DRICH1: variants seen among roughly 807,000 people sequenced by gnomAD.
DRICH1 encodes the protein aspartate-rich protein 1.
DRICH1 carries 38 observed loss-of-function variants against 39.5 expected under a neutral mutation model. The observed-to-expected ratio is 0.96, with a 90% confidence interval of 0.74 to 1.26. The LOEUF (loss-of-function observed/expected upper bound fraction) is 1.26, where lower values mean the gene tolerates loss of function less well. DRICH1 is among the 50% of genes most tolerant of loss of function. The pLI is 0.00. For synonymous variants in DRICH1, 84 were observed against 99.5 expected (o/e 0.84, Z 0.93); for missense variants, 279 against 270.4 (o/e 1.03, Z -0.22).
chr22:23,598,212 A>AG, the DRICH1 span, among the ~76,000 whole-genome samples: 21,579 of 135,534 alleles, frequency 0.16, 1,156 homozygotes, highest in African/African-American at 0.24. Flanking sequence ...GCTGGTCCTC[A>AG]GGTCCCTGAC....
Position 23,621,917 on chromosome 22 carries a change from A to T in DRICH1, c.384+174T>A, listed in dbSNP as rs1927759855. 2.0e-5 allele frequency among the ~76,000 whole-genome samples: 3 copies of T among 152,262 alleles called. No homozygotes were observed. In the South Asian group the frequency reaches 6.2e-4, roughly 32 times the overall value. The stretch of plus-strand genomic sequence containing the variant: ...GACTCTGTCTCAAACAAAAACAAAA[A>T]CAAAACAAAACAAAAAAAGAAAAGA... On this transcript the variant is annotated intron_variant, in intron 4 of 11. Coordinates refer to ENST00000317749, the MANE Select transcript of DRICH1 (RefSeq NM_016449.4).
the DRICH1 span, among the ~76,000 whole-genome samples, chr22:23,581,943 A>G: frequency 6.6e-6 from 1 of 150,530 alleles, no homozygotes; most frequent in African/African-American, 2.4e-5. Flanking sequence ...AGTGGCATTA[A>G]CTACATTCAC....
At chr22:23,623,439 C>A (rs951403051) in intron 3 of DRICH1, among the ~76,000 whole-genome samples, 5 of 151,996 alleles carry the variant, frequency 3.3e-5, no homozygotes, top group Non-Finnish European at 5.9e-5. Context: ...ATAGAAATCA[C>A]AAATTTATAT....
chr22:23,600,317 T>A, the DRICH1 span, among the ~76,000 whole-genome samples: 1 of 152,326 alleles, frequency 6.6e-6, no homozygotes, highest in East Asian at 1.9e-4. Context: ...CACTTCCAGC[T>A]TCAGCCAATC....
At chr22:23,584,535 AG>A in the DRICH1 span, among the ~76,000 whole-genome samples, 2 of 152,224 alleles carry the variant, frequency 1.3e-5, no homozygotes, top group Non-Finnish European at 2.9e-5. Flanking sequence ...TCAAGTTTTC[AG>A]GGTCACTGGA....
chr22:23,619,237 C>G (rs1311312926), intron 6 of DRICH1, 127 bp downstream of exon 6: 2 of 589,804 alleles, frequency 3.4e-6, no homozygotes, highest in Non-Finnish European at 6.3e-6. Flanking sequence ...TCTAACTAAT[C>G]AGCTGTCAAC....
the DRICH1 span, among the ~76,000 whole-genome samples, chr22:23,589,816 C>T: frequency 2.0e-5 from 3 of 152,092 alleles, no homozygotes; most frequent in Non-Finnish European, 4.4e-5. Flanking sequence ...GACTCAAACC[C>T]TTATACCTGA....
chr22:23,620,464 T>C (rs770288014), intron 5 of DRICH1, 130 bp downstream of exon 5: 46 of 1,072,502 alleles, frequency 4.3e-5, no homozygotes, highest in African/African-American at 1.7e-4. Flanking sequence ...CTGCTCATAG[T>C]TATACACTTG....
the DRICH1 span, among the ~76,000 whole-genome samples, chr22:23,582,566 T>TATTA: frequency 8.8e-5 from 13 of 147,464 alleles, no homozygotes; most frequent in Admixed American, 4.8e-4. Flanking sequence ...TTATTATTAT[T>TATTA]ATTATTATTA....
At chr22:23,629,677 G>A (rs769003398) in intron 1 of DRICH1, among the ~76,000 whole-genome samples, 3 of 152,098 alleles carry the variant, frequency 2.0e-5, no homozygotes, top group Non-Finnish European at 2.9e-5. Context: ...GGGGGCAGTG[G>A]CTCGATCTCG....
chr22:23,585,005 C>G, the DRICH1 span, among the ~76,000 whole-genome samples: 1 of 152,194 alleles, frequency 6.6e-6, no homozygotes, highest in South Asian at 2.1e-4. Flanking sequence ...GTGGTCTCAT[C>G]ATTGTTCAGT....
chr22:23,619,481 T>G, intron 5 of DRICH1, 88 bp from the exon 6 acceptor site: 1 of 753,698 alleles, frequency 1.3e-6, no homozygotes, highest in East Asian at 2.6e-5. Context: ...AAGAACAGTG[T>G]TGGAGGATGC....
intron 9 of DRICH1, among the ~76,000 whole-genome samples, 200 bp from the exon 10 acceptor site, chr22:23,613,860 A>T (rs1927189288): frequency 6.6e-6 from 1 of 152,230 alleles, no homozygotes; most frequent in African/African-American, 2.4e-5. Context: ...CTTTAATTTT[A>T]TATGCAAATG....
At chr22:23,600,381 G>A in the DRICH1 span, among the ~76,000 whole-genome samples, 1 of 152,174 alleles carries the variant, frequency 6.6e-6, no homozygotes. Flanking sequence ...CCCTACAGTT[G>A]GCCATAGCTC....
upstream of DRICH1, among the ~76,000 whole-genome samples, chr22:23,632,500 G>A (rs577244405): frequency 6.6e-6 from 1 of 152,266 alleles, no homozygotes; most frequent in South Asian, 2.1e-4. Flanking sequence ...CCCCTCTGTG[G>A]GGACTGCACT....
rs578048910 is a variant in DRICH1, at chr22:23,616,872, A to G, written c.522T>C (p.Ile174=). The G allele has an allele frequency of 6.2e-7, 1 of 1,613,958 alleles. No homozygotes were observed. Among genetic ancestry groups the G allele is most frequent in the African/African-American group, 1.3e-5 (1 of 74,930 alleles). Reference sequence around the variant, plus strand: ...ACATACCCTGGACAGGTGACGGTAAAATCTGCAATGAGATAAAAGAAGATG... The same window carrying G: ...ACATACCCTGGACAGGTGACGGTAAGATCTGCAATGAGATAAAAGAAGATG... ...DCDDDDDDAQ[I]LPSPVQACSE... The change falls in exon 8 of 12, where the codon ATT becomes ATC. Residue 174 remains isoleucine, a splice_region_variant and synonymous_variant. Coordinates refer to ENST00000317749, the MANE Select transcript of DRICH1 (RefSeq NM_016449.4).
At chr22:23,625,036 A>ATT in intron 2 of DRICH1, 132 bp from the exon 3 acceptor site, 1 of 1,046,370 alleles carries the variant, frequency 9.6e-7, no homozygotes. Flanking sequence ...GTCAAAGACA[A>ATT]AACACTTTAG....
the DRICH1 span, among the ~76,000 whole-genome samples, chr22:23,600,552 C>G: frequency 0.053 from 8,048 of 152,130 alleles, 387 homozygotes; most frequent in African/African-American, 0.12. Context: ...CTGGGCACCT[C>G]GGTGCTGGAT....
At chr22:23,623,142 T>C (rs1366151495) in intron 3 of DRICH1, among the ~76,000 whole-genome samples, 3 of 152,176 alleles carry the variant, frequency 2.0e-5, no homozygotes, top group African/African-American at 7.2e-5. Flanking sequence ...TGGTGGCTCA[T>C]GCCTATAATC....
Sources: gnomAD v4.1 joint callset for allele counts (sites outside exome capture counted in the v4.1 genomes callset) on GRCh38, gnomAD v4.1.1 for gene constraint, MANE v1.5 for transcripts, NCBI Gene and HGNC (gene_info 2026-07-23, HGNC 2026-07-21) for gene names.